CLYBL: variants seen among roughly 807,000 people sequenced by gnomAD.
The protein encoded by CLYBL is citramalyl-CoA lyase.
Under a neutral mutation model 38.9 loss-of-function variants are expected in CLYBL, and 31 were observed. The observed-to-expected ratio is 0.80, with a 90% CI of 0.60 to 1.08. The LOEUF is 1.08. CLYBL is among the 50% of genes least tolerant of loss of function. The pLI, the probability that CLYBL is intolerant of heterozygous loss-of-function variation, is 0.00. For missense variants in CLYBL, 434 were observed against 411.6 expected, an observed-to-expected ratio of 1.05 and a Z score of -0.47; for synonymous variants, 171 against 158.6, an observed-to-expected ratio of 1.08 and a Z score of -0.59.
intron 7 of CLYBL, among the ~76,000 whole-genome samples, 169 bp downstream of exon 7, chr13:99,871,231 G>A (rs766402283): frequency 7.2e-5 from 11 of 152,176 alleles, no homozygotes; most frequent in East Asian, 1.9e-4. Context: ...AGATAGATTT[G>A]CCCTGCCCAT....
At chr13:99,870,140 T>C (rs897667518) in intron 6 of CLYBL, among the ~76,000 whole-genome samples, 9 of 152,180 alleles carry the variant, frequency 5.9e-5, no homozygotes, top group Non-Finnish European at 1.3e-4. Flanking sequence ...CTGGGATATG[T>C]AGGGTGCTAT....
In CLYBL at chr13:99,804,181, G is replaced by A. The variant is rs561066236; in HGVS notation, c.249+31171G>A. ...TTAGCAGTGCACAAAGGCAGAGAGCGAGCACCTCATCAACAAAGCAGCTCC... is the reference window on the plus strand; with the variant it reads ...TTAGCAGTGCACAAAGGCAGAGAGCAAGCACCTCATCAACAAAGCAGCTCC... On this transcript the variant is annotated intron_variant, in intron 2 of 8. Transcript: ENST00000339105. Among the ~76,000 whole-genome samples, 158 of 152,330 alleles carry A rather than the reference G, an allele frequency of 1.0e-3. 1 individual carries two copies. The Middle Eastern group carries it at 0.014, about 13-fold the overall frequency.
rs2051840302 is a variant in CLYBL, at chr13:99,869,881, A to G, written c.803-1057A>G. Among the ~76,000 whole-genome samples the G allele has an allele frequency of 6.6e-6, 1 of 152,120 alleles. No homozygotes were observed. Among genetic ancestry groups the G allele is most frequent in the Admixed American group, 6.5e-5 (1 of 15,280 alleles). ...TACATTCATTTTTAAAGAGCCAATT[A>G]TGTTCATAACTTTATCACGTAACAA... On this transcript the variant is annotated intron_variant, in intron 6 of 8. Transcript: ENST00000339105. The surrounding 1 kb of genome is among the most constrained non-coding windows in gnomAD (Gnocchi z 4.3).
At chr13:99,631,504 G>A (rs571990125) in intron 1 of CLYBL, among the ~76,000 whole-genome samples, 8 of 152,164 alleles carry the variant, frequency 5.3e-5, no homozygotes, top group East Asian at 3.9e-4. Flanking sequence ...TAGTAATGAC[G>A]TAGCTGTTAA....
chr13:99,769,611 A>G (rs746351895), intron 1 of CLYBL, among the ~76,000 whole-genome samples: 1 of 152,242 alleles, frequency 6.6e-6, no homozygotes, highest in African/African-American at 2.4e-5. Flanking sequence ...GATATTTTCA[A>G]TCAATGAAAA....
intron 2 of CLYBL, among the ~76,000 whole-genome samples, chr13:99,791,440 G>A (rs1344888663): frequency 6.6e-6 from 1 of 152,112 alleles, no homozygotes; most frequent in Non-Finnish European, 1.5e-5. Flanking sequence ...TGAGTAATTA[G>A]TATGTCCCTT....
intron 1 of CLYBL, among the ~76,000 whole-genome samples, chr13:99,716,098 C>T (rs920976179): frequency 2.8e-5 from 4 of 141,680 alleles, no homozygotes; most frequent in African/African-American, 1.1e-4. Context: ...CTTTTCTTTT[C>T]TCATCTGTTA....
chr13:99,824,631 G>A (rs1566342228), intron 2 of CLYBL, among the ~76,000 whole-genome samples: 2 of 151,938 alleles, frequency 1.3e-5, no homozygotes, highest in African/African-American at 4.8e-5. Context: ...ACACTCACAC[G>A]AGCACACACC....
intron 3 of CLYBL, among the ~76,000 whole-genome samples, chr13:99,862,045 G>A (rs2051615989): frequency 6.6e-6 from 1 of 152,074 alleles, no homozygotes; most frequent in African/African-American, 2.4e-5. Flanking sequence ...GTCTTTGATG[G>A]TTTATATTTA....
intron 2 of CLYBL, among the ~76,000 whole-genome samples, chr13:99,803,726 C>G (rs2050177696): frequency 6.6e-6 from 1 of 152,202 alleles, no homozygotes; most frequent in South Asian, 2.1e-4. Flanking sequence ...ACTTGTTGAT[C>G]TGGGGGGTCC....
intron 1 of CLYBL, among the ~76,000 whole-genome samples, chr13:99,680,339 T>G (rs1406705383): frequency 1.3e-5 from 2 of 152,248 alleles, no homozygotes; most frequent in Non-Finnish European, 2.9e-5. Flanking sequence ...GATTCTACTT[T>G]CATTGTTTTG....
At chr13:99,638,550 A>C (rs2047054489) in intron 1 of CLYBL, among the ~76,000 whole-genome samples, 1 of 152,232 alleles carries the variant, frequency 6.6e-6, no homozygotes, top group Admixed American at 6.5e-5. Flanking sequence ...GTATCTGCCC[A>C]ACAGTCCCAC....
intron 2 of CLYBL, among the ~76,000 whole-genome samples, chr13:99,837,653 A>C (rs1053485165): frequency 6.6e-6 from 1 of 152,134 alleles, no homozygotes; most frequent in East Asian, 1.9e-4. Flanking sequence ...CACGTGCTCA[A>C]GGGGCTGCTG....
downstream of CLYBL, among the ~76,000 whole-genome samples, chr13:99,902,017 GAT>G (rs2052649825): frequency 6.6e-6 from 1 of 152,158 alleles, no homozygotes. Context: ...GGAAGATGAT[GAT>G]CTGCAAATTG....
intron 7 of CLYBL, among the ~76,000 whole-genome samples, chr13:99,874,314 A>G (rs1198999080): frequency 6.6e-6 from 1 of 152,202 alleles, no homozygotes; most frequent in African/African-American, 2.4e-5. Context: ...TTGAGATACA[A>G]CGTGCATACC....
At chr13:99,766,256 CTT>C (rs1177442453) in intron 1 of CLYBL, among the ~76,000 whole-genome samples, 2 of 152,086 alleles carry the variant, frequency 1.3e-5, no homozygotes, top group African/African-American at 4.8e-5. Flanking sequence ...AGTAGCCTAT[CTT>C]TAGGCTCAAT....
At chr13:99,904,036 C>CT (rs1156872683) in intron 8 of CLYBL, among the ~76,000 whole-genome samples, 21 of 146,628 alleles carry the variant, frequency 1.4e-4, no homozygotes, top group African/African-American at 5.2e-4. Flanking sequence ...CAGAGTGAGA[C>CT]CCCTCTCTTA....
intron 1 of CLYBL, among the ~76,000 whole-genome samples, chr13:99,772,273 C>T (rs2049412053): frequency 1.3e-5 from 2 of 152,206 alleles, no homozygotes; most frequent in South Asian, 4.1e-4. Flanking sequence ...TCCTCTTTGT[C>T]TCAGAAGATG....
intron 1 of CLYBL, among the ~76,000 whole-genome samples, chr13:99,666,907 A>G (rs1354216949): frequency 6.6e-6 from 1 of 152,096 alleles, no homozygotes; most frequent in African/African-American, 2.4e-5. Context: ...TTTTCTGGGG[A>G]TCACGTGATG....
Sources: allele counts gnomAD v4.1 joint callset (sites outside exome capture counted in the v4.1 genomes callset), GRCh38; gene constraint gnomAD v4.1.1; non-coding constraint Gnocchi (gnomAD v3.1); transcripts MANE v1.5; gene names NCBI Gene and HGNC (gene_info 2026-07-23, HGNC 2026-07-21).